ASTN2: variants seen among roughly 807,000 people sequenced by gnomAD.
ASTN2 encodes the protein astrotactin-2.
In ASTN2, 54 loss-of-function variants were observed where a neutral mutation model predicts 139.8. The observed-to-expected ratio is 0.39, with a 90% CI of 0.31 to 0.48. ASTN2 has a LOEUF of 0.48. ASTN2 is among the 20% of genes least tolerant of loss of function. ASTN2 has a pLI of 0.95. For synonymous variants in ASTN2, 756 were observed against 719.5 expected, an observed-to-expected ratio of 1.05 and a Z score of -0.81; for missense variants, 1,565 against 1,725.1, an observed-to-expected ratio of 0.91 and a Z score of 1.64.
intron 20 of ASTN2, among the ~76,000 whole-genome samples, chr9:116,484,880 A>G (rs1470904466): frequency 2.0e-5 from 3 of 152,208 alleles, no homozygotes; most frequent in Admixed American, 6.5e-5. Context: ...GTCAGCTCTC[A>G]GTGTTAATTG....
At chr9:117,015,933 T>C (rs1397300401) in intron 6 of ASTN2, among the ~76,000 whole-genome samples, 2 of 152,144 alleles carry the variant, frequency 1.3e-5, no homozygotes, top group Admixed American at 1.3e-4. Context: ...TCTCAACTTT[T>C]AATATTTTTA....
chr9:117,011,719 C>A (rs995652338), intron 6 of ASTN2, among the ~76,000 whole-genome samples: 2 of 152,164 alleles, frequency 1.3e-5, no homozygotes, highest in Non-Finnish European at 2.9e-5. Context: ...CTTACAACAG[C>A]CTTTCAGGAT....
At chr9:116,962,966 A>G (rs185100554) in intron 10 of ASTN2, among the ~76,000 whole-genome samples, 285 of 152,284 alleles carry the variant, frequency 1.9e-3, no homozygotes, top group South Asian at 0.016. Flanking sequence ...AATTTTCTAT[A>G]TCCTCTCTCT....
At chr9:117,097,573 A>G (rs1828871286) in intron 4 of ASTN2, among the ~76,000 whole-genome samples, 2 of 152,182 alleles carry the variant, frequency 1.3e-5, no homozygotes, top group Non-Finnish European at 2.9e-5. Context: ...AGGAGACTTA[A>G]GAATCTGGTA....
chr9:116,754,969 C>G (rs142797874), intron 13 of ASTN2, among the ~76,000 whole-genome samples: 3 of 152,242 alleles, frequency 2.0e-5, no homozygotes, highest in Admixed American at 6.5e-5. Flanking sequence ...AACCTGGACA[C>G]GGACTCATCA....
intron 13 of ASTN2, among the ~76,000 whole-genome samples, chr9:116,784,160 C>T (rs961903392): frequency 1.3e-5 from 2 of 152,118 alleles, no homozygotes; most frequent in Non-Finnish European, 2.9e-5. Flanking sequence ...AGGATTTGAA[C>T]CCACATCTAC....
At chr9:116,802,536 T>C (rs557767901) in intron 13 of ASTN2, among the ~76,000 whole-genome samples, 4 of 152,328 alleles carry the variant, frequency 2.6e-5, no homozygotes, top group African/African-American at 9.6e-5. Flanking sequence ...TCCCAGGATT[T>C]AATGAAGTTT....
At chr9:116,915,435 G>A (rs1380957685) in intron 10 of ASTN2, among the ~76,000 whole-genome samples, 1 of 152,098 alleles carries the variant, frequency 6.6e-6, no homozygotes, top group Admixed American at 6.6e-5. Flanking sequence ...GTCCTGACTG[G>A]TAAGAGCATA....
At chr9:116,572,814 A>T (rs1228345832) in intron 19 of ASTN2, among the ~76,000 whole-genome samples, 7 of 152,190 alleles carry the variant, frequency 4.6e-5, no homozygotes, top group Admixed American at 3.9e-4. Flanking sequence ...TTCCAGTTCC[A>T]GAAAGAGGGA....
intron 3 of ASTN2, among the ~76,000 whole-genome samples, chr9:117,177,905 T>C (rs1194697311): frequency 1.3e-5 from 2 of 152,136 alleles, no homozygotes; most frequent in African/African-American, 4.8e-5. Context: ...CCTCATTTGT[T>C]CCACACTCTA....
At chr9:116,520,902 T>C (rs1346420937) in intron 19 of ASTN2, among the ~76,000 whole-genome samples, 4 of 151,934 alleles carry the variant, frequency 2.6e-5, no homozygotes, top group Non-Finnish European at 5.9e-5. Context: ...CCTTTCACAA[T>C]AGCTGCAAAT....
intron 16 of ASTN2, among the ~76,000 whole-genome samples, chr9:116,673,825 C>T (rs1450052360): frequency 6.6e-6 from 1 of 152,088 alleles, no homozygotes; most frequent in African/African-American, 2.4e-5. Flanking sequence ...TTTTAAGCCA[C>T]CTAGCTTGTG....
intron 11 of ASTN2, among the ~76,000 whole-genome samples, chr9:116,861,938 C>T (rs1265373342): frequency 6.6e-6 from 1 of 151,452 alleles, no homozygotes; most frequent in Non-Finnish European, 1.5e-5. Context: ...CCAATTTTCT[C>T]CAGACTTCCA....
intron 22 of ASTN2, chr9:116,437,326 G>A (rs1847688902): frequency 2.1e-6 from 1 of 471,230 alleles, no homozygotes; most frequent in Non-Finnish European, 4.4e-6. Flanking sequence ...GATAGATTAG[G>A]AGGCAGTTTC....
chr9:116,571,053 C>G (rs984196276), intron 19 of ASTN2, among the ~76,000 whole-genome samples: 3 of 152,158 alleles, frequency 2.0e-5, no homozygotes, highest in Non-Finnish European at 4.4e-5. Context: ...ACTCACAGGT[C>G]AGGATTAAAT....
intron 2 of ASTN2, among the ~76,000 whole-genome samples, chr9:117,274,698 T>A (rs1456114040): frequency 2.6e-5 from 4 of 152,228 alleles, no homozygotes; most frequent in Non-Finnish European, 2.9e-5. Flanking sequence ...TTTCAAGTTA[T>A]CTCATCAAGG....
chr9:116,905,879 G>A (rs1290341583), intron 10 of ASTN2, among the ~76,000 whole-genome samples: 2 of 144,794 alleles, frequency 1.4e-5, no homozygotes, highest in African/African-American at 2.6e-5. Context: ...GGGGGGGTGC[G>A]GGGGGTGTGC....
chr9:117,013,620 A>T, intron 6 of ASTN2, among the ~76,000 whole-genome samples: 1 of 151,994 alleles, frequency 6.6e-6, no homozygotes, highest in East Asian at 1.9e-4. Context: ...ACGGGCACGG[A>T]GGTCCTCATT....
chr9:116,884,982 A>C (rs1833558125), intron 10 of ASTN2, among the ~76,000 whole-genome samples: 1 of 151,842 alleles, frequency 6.6e-6, no homozygotes, highest in African/African-American at 2.4e-5. Context: ...TGCCCGGCTA[A>C]TTTTTTGTAT....
Sources: gnomAD v4.1 joint callset for allele counts (sites outside exome capture counted in the v4.1 genomes callset) on GRCh38, gnomAD v4.1.1 for gene constraint, MANE v1.5 for transcripts, NCBI Gene and HGNC (gene_info 2026-07-23, HGNC 2026-07-21) for gene names.